PEPD: variants seen among roughly 807,000 people sequenced by gnomAD.
PEPD encodes the protein peptidase D.
A neutral mutation model predicts 60.7 loss-of-function variants in PEPD; 53 were observed. That is an observed-to-expected ratio of 0.87 (90% CI 0.70 to 1.10). The LOEUF (loss-of-function observed/expected upper bound fraction) is 1.10. Ranked by LOEUF, PEPD falls within the 50% of genes least tolerant of loss-of-function variation. PEPD has a pLI of 0.00. For synonymous variants in PEPD, 267 were observed against 284.1 expected, an observed-to-expected ratio of 0.94 and a Z score of 0.60; for missense variants, 711 against 711.9, an observed-to-expected ratio of 1.00 and a Z score of 0.01.
intron 6 of PEPD, among the ~76,000 whole-genome samples, chr19:33,482,100 T>C (rs1308677172): frequency 6.6e-6 from 1 of 152,182 alleles, no homozygotes; most frequent in African/African-American, 2.4e-5. Context: ...AGGTCAGTAT[T>C]ACCTTGATGC....
At chr19:33,459,922 G>T (rs1445087619) in intron 9 of PEPD, among the ~76,000 whole-genome samples, 3 of 152,160 alleles carry the variant, frequency 2.0e-5, no homozygotes, top group African/African-American at 7.2e-5. Context: ...AGTCCAGCAG[G>T]TCTTAAGGAT....
chr19:33,509,859 G>T (rs1600174105), intron 3 of PEPD, among the ~76,000 whole-genome samples: 1 of 152,150 alleles, frequency 6.6e-6, no homozygotes. Context: ...GGAGTACCTG[G>T]AACAGCAGGC....
At chr19:33,454,278 A>C (rs1324447151) in intron 9 of PEPD, among the ~76,000 whole-genome samples, 1 of 152,226 alleles carries the variant, frequency 6.6e-6, no homozygotes, top group Non-Finnish European at 1.5e-5. Context: ...TATAAAGTAT[A>C]AAATAAATAT....
intron 7 of PEPD, among the ~76,000 whole-genome samples, chr19:33,473,302 A>C (rs970418953): frequency 6.6e-6 from 1 of 152,154 alleles, no homozygotes; most frequent in Non-Finnish European, 1.5e-5. Context: ...TCACAGACAC[A>C]CCGAGAATTT....
chr19:33,452,182 GCTAAAAA>G (rs1457283242), intron 9 of PEPD, among the ~76,000 whole-genome samples: 1 of 152,124 alleles, frequency 6.6e-6, no homozygotes, highest in Non-Finnish European at 1.5e-5. Context: ...AGAACTAGCA[GCTAAAAA>G]CCAAAAGGTC....
intron 9 of PEPD, among the ~76,000 whole-genome samples, chr19:33,439,492 G>T (rs1969444180): frequency 6.6e-6 from 1 of 152,358 alleles, no homozygotes; most frequent in South Asian, 2.1e-4. Flanking sequence ...GCCAGGGCGG[G>T]CTGGCCTCTG....
intron 9 of PEPD, among the ~76,000 whole-genome samples, chr19:33,419,160 T>C (rs1298781965): frequency 3.3e-5 from 5 of 152,136 alleles, no homozygotes; most frequent in African/African-American, 1.2e-4. Flanking sequence ...TCACAGGGTA[T>C]ATGGGGCCAG....
At chr19:33,504,062 T>C (rs1357351843) in intron 3 of PEPD, among the ~76,000 whole-genome samples, 3 of 152,338 alleles carry the variant, frequency 2.0e-5, no homozygotes, top group Non-Finnish European at 4.4e-5. Flanking sequence ...CCTGAAAAGC[T>C]GCAAGCAGCT....
chr19:33,405,462 C>A (rs985442531), intron 11 of PEPD, among the ~76,000 whole-genome samples: 1 of 152,242 alleles, frequency 6.6e-6, no homozygotes, highest in Non-Finnish European at 1.5e-5. Flanking sequence ...CTGCAGACTC[C>A]GATGTGCAGC....
In PEPD at chr19:33,387,110, C is replaced by T. The variant is rs1348863653; in HGVS notation, c.*234G>A. 2.8e-5 allele frequency: 16 copies of T among 566,858 alleles called. No homozygotes were observed. Among genetic ancestry groups the T allele is most frequent in the African/African-American group, 7.5e-5 (4 of 53,460 alleles). The allele number at this position is 566,858 out of a possible 1,614,324, so 35.1% of individuals were successfully genotyped here. A position where few individuals can be genotyped will look rare whatever the true frequency, so the allele number is the denominator to read the frequency against. ...AGCATTATTTTCAATCATTTTAAGTCGCTCATTTAATAAGCAAGGTATAAA... is the reference window on the plus strand; with the variant it reads ...AGCATTATTTTCAATCATTTTAAGTTGCTCATTTAATAAGCAAGGTATAAA... On this transcript the variant is annotated 3_prime_UTR_variant, in exon 15 of 15. Transcript: ENST00000244137.
intron 11 of PEPD, among the ~76,000 whole-genome samples, chr19:33,403,094 G>A (rs906259692): frequency 6.6e-6 from 1 of 152,308 alleles, no homozygotes; most frequent in East Asian, 1.9e-4. Context: ...AGGACTCCCC[G>A]GAAGCAGCCC....
chr19:33,420,120 C>G (rs1968980621), intron 9 of PEPD, among the ~76,000 whole-genome samples: 1 of 152,236 alleles, frequency 6.6e-6, no homozygotes, highest in Non-Finnish European at 1.5e-5. Context: ...AAATCTTCCC[C>G]TTTATTTTCA....
chr19:33,434,040 C>T (rs886880285), intron 9 of PEPD, among the ~76,000 whole-genome samples: 2 of 152,164 alleles, frequency 1.3e-5, no homozygotes, highest in African/African-American at 4.8e-5. Flanking sequence ...GCTCACCACC[C>T]CTTCTCTTCC....
intron 12 of PEPD, 125 bp from the exon 13 acceptor site, chr19:33,391,604 G>T: frequency 1.1e-6 from 1 of 890,346 alleles, no homozygotes; most frequent in Non-Finnish European, 1.8e-6. Flanking sequence ...GGGGGTGAGG[G>T]GGCAAGGGTA....
intron 1 of PEPD, among the ~76,000 whole-genome samples, chr19:33,518,304 T>C (rs1315866597): frequency 6.6e-6 from 1 of 152,146 alleles, no homozygotes; most frequent in African/African-American, 2.4e-5. Flanking sequence ...GGATACTCAG[T>C]GGCCAGCCTG....
chr19:33,466,962 C>T (rs1970030384), intron 7 of PEPD, among the ~76,000 whole-genome samples: 1 of 151,826 alleles, frequency 6.6e-6, no homozygotes, highest in African/African-American at 2.4e-5. Context: ...TCAAGACTAT[C>T]CTGGCTAACA....
intron 3 of PEPD, among the ~76,000 whole-genome samples, chr19:33,507,949 G>A (rs1156645764): frequency 6.6e-6 from 1 of 152,086 alleles, no homozygotes; most frequent in African/African-American, 2.4e-5. Flanking sequence ...TCTCAGCTAT[G>A]GGGCCAGATG....
At chr19:33,520,240 G>A (rs925896579) in intron 1 of PEPD, among the ~76,000 whole-genome samples, 1 of 152,128 alleles carries the variant, frequency 6.6e-6, no homozygotes, top group African/African-American at 2.4e-5. Context: ...CACCGAGCCA[G>A]CCTAACCAGA....
In PEPD at chr19:33,448,994, G is replaced by A. The variant is rs1600124337; in HGVS notation, c.671+14001C>T. Among the ~76,000 whole-genome samples, 6 of 152,302 alleles carry A rather than the reference G, an allele frequency of 3.9e-5. No homozygotes were observed. In the South Asian group the frequency reaches 1.2e-3, roughly 32 times the overall value. On this transcript the variant is annotated intron_variant, in intron 9 of 14. Coordinates refer to ENST00000244137, the MANE Select transcript of PEPD (RefSeq NM_000285.4). ...GAAAATTCTTCCTGGAGAATGAGAG[G>A]TGGGGACCCAGGGTTTCCCCACACT...
Sources: allele counts gnomAD v4.1 joint callset (sites outside exome capture counted in the v4.1 genomes callset), GRCh38; gene constraint gnomAD v4.1.1; transcripts MANE v1.5; gene names NCBI Gene and HGNC (gene_info 2026-07-23, HGNC 2026-07-21).